SPATA31C2: variants seen among roughly 807,000 people sequenced by gnomAD.
SPATA31C2 encodes the protein SPATA31 subfamily C member 2.
A neutral mutation model predicts 11.4 loss-of-function variants in SPATA31C2; 5 were observed. The ratio of observed to expected loss-of-function variants is 0.44; its 90% CI spans 0.23 to 0.92. The LOEUF (loss-of-function observed/expected upper bound fraction) is 0.92. Ranked by LOEUF, SPATA31C2 falls within the 40% of genes least tolerant of loss-of-function variation. The pLI is 0.24. For synonymous variants in SPATA31C2, 515 were observed against 538.7 expected, an observed-to-expected ratio of 0.96 and a Z score of 0.61; for missense variants, 1,353 against 1,368.6, an observed-to-expected ratio of 0.99 and a Z score of 0.18.
Position 88,131,369 on chromosome 9 carries a change from C to T in SPATA31C2, c.1668G>A (p.Arg556=), listed in dbSNP as rs752323655. ...TTAATAAATCACTTCCTGAGTCACT[C>T]CTCAAGGGCTTCCTCAGGTTCCTTT... ...ESERNLRKPL[R]SDSGSDLLRR... Residue 556 remains arginine (R), a synonymous_variant, in exon 4 of 4, where the codon AGG becomes AGA. Coordinates refer to ENST00000324915, the MANE Select transcript of SPATA31C2 (RefSeq NM_001350978.3). The T allele has an allele frequency of 1.2e-5, 19 of 1,611,864 alleles. No individual in the cohort carries two copies. The Admixed American group carries it at 3.0e-4, about 25-fold the overall frequency.
At chr9:88,136,292 GATAA>G (rs1825681002) in intron 1 of SPATA31C2, among the ~76,000 whole-genome samples, 1 of 143,672 alleles carries the variant, frequency 7.0e-6, no homozygotes. Context: ...GCATTCCTCT[GATAA>G]AAGTTATTTT....
In SPATA31C2 at chr9:88,137,929, A is replaced by ATCTCATGACCAGAGACCTCCCCCG. The variant is rs201184944; in HGVS notation, c.189+305_189+328dup. On this transcript the variant is annotated intron_variant, in intron 1 of 3. Transcript: ENST00000324915. ...GCCTGGCCTCGGACAGAGACCTCCC[A>ATCTCATGACCAGAGACCTCCCCCG]TCTCATGACCAGAGACCTCCCCCGT... Among the ~76,000 whole-genome samples, 656 of 106,488 alleles carry ATCTCATGACCAGAGACCTCCCCCG rather than the reference A, an allele frequency of 6.2e-3. 170 individuals are homozygous for ATCTCATGACCAGAGACCTCCCCCG. The East Asian group carries it at 0.17, about 28-fold the overall frequency. 69.9% of individuals were successfully genotyped at this position (106,488 alleles called of 152,430 possible).
rs940277839 is a variant in SPATA31C2 at position 88,137,572 on chromosome 9, G to A, written c.189+686C>T. Among the ~76,000 whole-genome samples the A allele has an allele frequency of 5.2e-5, 7 of 135,562 alleles. No homozygotes were observed. In the East Asian group the frequency reaches 6.5e-4, roughly 13 times the overall value. 88.9% of individuals were successfully genotyped at this position (135,562 alleles called of 152,430 possible). A position where few individuals can be genotyped will look rare whatever the true frequency, so the allele number is the denominator to read the frequency against. Reference sequence around the variant, plus strand: ...CTGGAAGCAAAGGTGGCACTGAGCCGGTATCGCTCCATTTCACTGCAGCCT... The same window carrying A: ...CTGGAAGCAAAGGTGGCACTGAGCCAGTATCGCTCCATTTCACTGCAGCCT... On this transcript the variant is annotated intron_variant, in intron 1 of 3. Coordinates refer to ENST00000324915, the MANE Select transcript of SPATA31C2 (RefSeq NM_001350978.3).
Position 88,132,357 on chromosome 9 carries a change from G to A in SPATA31C2, c.680C>T (p.Pro227Leu), listed in dbSNP as rs373582239. The change falls in exon 4 of 4, where the codon CCG becomes CTG. Residue 227 changes from proline to leucine, a missense_variant. Physicochemically the swap from Pro to Leu is moderately conservative, Grantham distance 98. Around this residue, in one of 6 missense-constraint regions of SPATA31C2, gnomAD observed 1,075 missense variants for 992.8 expected, o/e 1.08. Transcript: ENST00000324915. ...PDPLACSPPP[P>L]KGFTPPPLRD... ...CAGGGGAGGAGGAGTGAAGCCTTTC[G>A]GAGGAGGCGGAGAGCAGGCCAGAGG... 34 of 1,610,950 alleles carry A rather than the reference G, an allele frequency of 2.1e-5. No homozygotes were observed. Among genetic ancestry groups the A allele is most frequent in the African/African-American group, 1.2e-4 (9 of 74,834 alleles).
Position 88,129,651 on chromosome 9 carries a change from C to T in SPATA31C2, c.3386G>A (p.Arg1129Lys). ...LKNQSRPNRD[R>K]QIRDQ Reference sequence around the variant, plus strand: ...CAAGGGCTACTGATCTCTGATTTGTCTGTCTCTGTTGGGACGACTCTGGTT... The same window carrying T: ...CAAGGGCTACTGATCTCTGATTTGTTTGTCTCTGTTGGGACGACTCTGGTT... Residue 1129 changes from arginine (R) to lysine (K), a missense_variant, in exon 4 of 4, where the codon AGA becomes AAA. Around this residue, in one of 6 missense-constraint regions of SPATA31C2, gnomAD observed 187 missense variants for 205.8 expected, o/e 0.91. Transcript: ENST00000324915. The T allele has an allele frequency of 1.2e-6, 2 of 1,603,338 alleles. No homozygotes were observed. Among genetic ancestry groups the T allele is most frequent in the Non-Finnish European group, 8.5e-7 (1 of 1,173,088 alleles).
chr9:88,133,530 G>A (rs1486245727), intron 2 of SPATA31C2, 64 bp downstream of exon 2: 4 of 1,586,680 alleles, frequency 2.5e-6, no homozygotes, highest in Non-Finnish European at 2.6e-6. Flanking sequence ...GACTTCTTCA[G>A]AGTCAGTTCC....
intron 1 of SPATA31C2, among the ~76,000 whole-genome samples, chr9:88,136,699 G>C (rs1262963273): frequency 2.0e-4 from 28 of 140,322 alleles, no homozygotes; most frequent in African/African-American, 7.2e-4. Context: ...TTGAGATGGA[G>C]TCTTCCTCCA....
chr9:88,132,556 G>A lies in SPATA31C2; in HGVS notation c.481C>T (p.Pro161Ser). ...AAPIVSPLAS[P>S]DPRTKHPQDL... ...TGAGGATGCTTGGTTCGAGGATCCG[G>A]GGAAGCTAACGGGGAGACAATGGGA... is the stretch of plus-strand genomic sequence containing the variant. Residue 161 changes from proline (P) to serine (S), a missense_variant, in exon 4 of 4, where the codon CCG (proline) becomes TCG (serine). Physicochemically the swap from Pro to Ser is moderately conservative, Grantham distance 74. Around this residue, in one of 6 missense-constraint regions of SPATA31C2, gnomAD observed 1,075 missense variants for 992.8 expected, o/e 1.08. Coordinates refer to ENST00000324915, the MANE Select transcript of SPATA31C2 (RefSeq NM_001350978.3). The A allele has an allele frequency of 6.2e-7, 1 of 1,610,634 alleles. No individual in the cohort carries two copies. The highest frequency in any genetic ancestry group is 8.5e-7 in the Non-Finnish European group (1 of 1,177,822).
At position 88,132,506 on chromosome 9, in the gene SPATA31C2, T is replaced by G; in HGVS notation, c.531A>C (p.Pro177=). The G allele has an allele frequency of 6.2e-7, 1 of 1,610,684 alleles. No individual in the cohort carries two copies. Among genetic ancestry groups the G allele is most frequent in the Non-Finnish European group, 8.5e-7 (1 of 1,177,862 alleles). The change falls in exon 4 of 4, where the codon CCA becomes CCC. Residue 177 remains proline, a synonymous_variant. Coordinates refer to ENST00000324915, the MANE Select transcript of SPATA31C2 (RefSeq NM_001350978.3). ...HPQDLASTPP[P]GPMTTSVSSL... is the part of the protein sequence containing the mutation. ...AGGAGACTGAGGTGGTCATTGGGCC[T>G]GGTGGTGGGGTGGAGGCCAGATCCT...
At position 88,132,139 on chromosome 9, in the gene SPATA31C2, T is replaced by A. The variant is rs1563962516; in HGVS notation, c.898A>T (p.Asn300Tyr). The A allele has an allele frequency of 6.2e-7, 1 of 1,610,608 alleles. No individual in the cohort carries two copies. Among genetic ancestry groups the A allele is most frequent in the Admixed American group, 1.7e-5 (1 of 59,824 alleles). The change falls in exon 4 of 4, where the codon AAC becomes TAC. Residue 300 changes from asparagine to tyrosine, a missense_variant. Asn to Tyr is a moderately radical substitution (Grantham distance 143). This residue lies in a region of SPATA31C2 where 1,075 missense variants were observed against 992.8 expected (regional missense o/e 1.08). Transcript: ENST00000324915. The part of the protein sequence containing the change: ...QETTKTWCVF[N>Y]SSVQQDHLSR... ...AGATGATCTTGCTGGACTGACGAGTTGAAGACGCACCAGGTTTTGGTAGTC... is the reference window on the plus strand; with the variant it reads ...AGATGATCTTGCTGGACTGACGAGTAGAAGACGCACCAGGTTTTGGTAGTC...
Position 88,130,828 on chromosome 9 carries a change from C to A in SPATA31C2, c.2209G>T (p.Ala737Ser). The change falls in exon 4 of 4, where the codon GCA becomes TCA. Residue 737 changes from alanine to serine, a missense_variant. Transcript: ENST00000324915. ...MPERLQASSP[A>S]CKQFQRAPRG... The stretch of plus-strand genomic sequence containing the variant: ...GGGGCCCTCTGGAACTGCTTACATG[C>A]AGGTGAGGAGGCCTGAAGCCTCTCT... The A allele has an allele frequency of 6.2e-7, 1 of 1,613,274 alleles. No individual in the cohort carries two copies. Among genetic ancestry groups the A allele is most frequent in the Non-Finnish European group, 8.5e-7 (1 of 1,179,874 alleles).
In SPATA31C2 at chr9:88,130,922, C is replaced by T. The variant is rs750152067; in HGVS notation, c.2115G>A (p.Thr705=). 10 of 1,613,594 alleles carry T rather than the reference C, an allele frequency of 6.2e-6. No individual in the cohort carries two copies. The highest frequency in any genetic ancestry group is 2.7e-5 in the African/African-American group (2 of 74,926). Residue 705 remains threonine, a synonymous_variant, in exon 4 of 4, where the codon ACG becomes ACA. Coordinates refer to ENST00000324915, the MANE Select transcript of SPATA31C2 (RefSeq NM_001350978.3). ...SGAGSKVEVA[T]FLGEPPMASL... is the part of the protein sequence containing the mutation. ...TTGCCATTGGTGGCTCTCCAAGGAA[C>T]GTGGCCACCTCAACTTTTGAGCCAG...
chr9:88,137,517 G>C (rs1362358467), intron 1 of SPATA31C2, among the ~76,000 whole-genome samples: 1 of 141,524 alleles, frequency 7.1e-6, no homozygotes, highest in Non-Finnish European at 1.5e-5. Context: ...CAGCTACTCA[G>C]GACGCTAAGA....
rs1825612814 is a variant in SPATA31C2, at chr9:88,132,318, A to G, written c.719T>C (p.Leu240Pro). 1.9e-5 allele frequency: 30 copies of G among 1,610,914 alleles called. No individual in the cohort carries two copies. Among genetic ancestry groups the G allele is most frequent in the Non-Finnish European group, 2.5e-5 (30 of 1,177,814 alleles). ...FTPPPLRDST[L>P]LTPSHCDSVA... ...TGAGTCACAGTGAGATGGTGTTAAC[A>G]GAGTGGAGTCCCGCAGGGGAGGAGG... is the stretch of plus-strand genomic sequence containing the variant. The change falls in exon 4 of 4, where the codon CTG (leucine) becomes CCG (proline). Residue 240 changes from leucine (L) to proline (P), a missense_variant. Physicochemically the swap from Leu to Pro is moderately conservative, Grantham distance 98. Around this residue, in one of 6 missense-constraint regions of SPATA31C2, gnomAD observed 1,075 missense variants for 992.8 expected, o/e 1.08. Coordinates refer to ENST00000324915, the MANE Select transcript of SPATA31C2 (RefSeq NM_001350978.3).
In SPATA31C2 at chr9:88,130,775, A is replaced by G. The variant is rs1207113946; in HGVS notation, c.2262T>C (p.His754=). 3.1e-6 allele frequency: 5 copies of G among 1,613,172 alleles called. No individual in the cohort carries two copies. The African/African-American group carries it at 4.0e-5, about 13-fold the overall frequency. The change falls in exon 4 of 4, where the codon CAT becomes CAC. Residue 754 remains histidine, a synonymous_variant. Transcript: ENST00000324915. ...APRGIPSSND[H]GSLKAPTAGQ... ...CAGCTGTAGGAGCCTTCAAGGACCC[A>G]TGATCATTCGAAGATGGGATCCCTC... is the stretch of plus-strand genomic sequence containing the variant.
intron 1 of SPATA31C2, among the ~76,000 whole-genome samples, chr9:88,136,330 A>G (rs1239842570): frequency 1.5e-5 from 2 of 137,104 alleles, no homozygotes; most frequent in African/African-American, 2.8e-5. Context: ...CCATCAATCT[A>G]TCCTGTTCAG....
chr9:88,130,072 G>A lies in SPATA31C2; in HGVS notation c.2965C>T (p.Arg989Cys), dbSNP rs377070205. 21 of 1,607,486 alleles carry A rather than the reference G, an allele frequency of 1.3e-5. No individual in the cohort carries two copies. Among genetic ancestry groups the A allele is most frequent in the African/African-American group, 6.7e-5 (5 of 74,770 alleles). Residue 989 changes from arginine (R) to cysteine (C), a missense_variant, in exon 4 of 4, where the codon CGT (arginine) becomes TGT (cysteine). Transcript: ENST00000324915. ...LTPGRKTEDT[R>C]QNEGVQLLPS... is the part of the protein sequence containing the mutation. The stretch of plus-strand genomic sequence containing the variant: ...AGTAGCTGGACGCCTTCATTCTGAC[G>A]GGTGTCTTCTGTTTTCCTGCCTGGG...
Position 88,132,363 on chromosome 9 carries a change from G to C in SPATA31C2, c.674C>G (p.Pro225Arg). ...RTPDPLACSP[P>R]PPKGFTPPPL... Reference sequence around the variant, plus strand: ...AGGAGGAGTGAAGCCTTTCGGAGGAGGCGGAGAGCAGGCCAGAGGATCAGG... The same window carrying C: ...AGGAGGAGTGAAGCCTTTCGGAGGACGCGGAGAGCAGGCCAGAGGATCAGG... Residue 225 changes from proline (P) to arginine (R), a missense_variant, in exon 4 of 4, where the codon CCT (proline) becomes CGT (arginine). Physicochemically the swap from Pro to Arg is moderately radical, Grantham distance 103 (BLOSUM62 -2). Coordinates refer to ENST00000324915, the MANE Select transcript of SPATA31C2 (RefSeq NM_001350978.3). 6.2e-7 allele frequency: 1 copy of C among 1,611,148 alleles called. No individual in the cohort carries two copies. Among genetic ancestry groups the C allele is most frequent in the South Asian group, 1.1e-5 (1 of 91,030 alleles).
Position 88,130,341 on chromosome 9 carries a change from A to C in SPATA31C2, c.2696T>G (p.Val899Gly), listed in dbSNP as rs749269656. Residue 899 changes from valine (V) to glycine (G), a missense_variant, in exon 4 of 4, where the codon GTG becomes GGG. Transcript: ENST00000324915. ...CATGCTCTGGAGATGGCCCTGGGGC[A>C]CTTGAGAAGCCAAATTCTCTGAAGC... is the stretch of plus-strand genomic sequence containing the variant. ...PHASENLASQVPQGHLQSMPT... is the reference protein window; with the variant it reads ...PHASENLASQGPQGHLQSMPT... 2.5e-6 allele frequency: 4 copies of C among 1,610,220 alleles called. No homozygotes were observed. Among genetic ancestry groups the C allele is most frequent in the Non-Finnish European group, 3.4e-6 (4 of 1,179,222 alleles).
Sources: allele counts gnomAD v4.1 joint callset (sites outside exome capture counted in the v4.1 genomes callset), GRCh38; gene constraint gnomAD v4.1.1; regional missense constraint gnomAD v4.1.1; transcripts MANE v1.5; gene names NCBI Gene and HGNC (gene_info 2026-07-23, HGNC 2026-07-21).